Variants in ACVR1C observed in about 807,000 individuals in gnomAD.
ACVR1C encodes activin receptor type-1C.
ACVR1C carries 23 observed loss-of-function variants against 57.9 expected under a neutral mutation model. The ratio of observed to expected loss-of-function variants is 0.40; its 90% CI spans 0.29 to 0.56. The LOEUF (loss-of-function observed/expected upper bound fraction) is 0.56. Among genes scored for constraint, ACVR1C ranks in the 20% least tolerant of loss-of-function variants. ACVR1C has a pLI of 0.50. For synonymous variants in ACVR1C, 214 were observed against 215.3 expected (o/e 0.99, Z 0.05); for missense variants, 480 against 607.9 (o/e 0.79, Z 2.21).
chr2:157,620,543 A>G (rs1016734571), intron 1 of ACVR1C, among the ~76,000 whole-genome samples: 2 of 152,226 alleles, frequency 1.3e-5, no homozygotes, highest in African/African-American at 4.8e-5. Flanking sequence ...AATCCGGATT[A>G]CCAGTTTCTG....
chr2:157,538,632 T>C lies in ACVR1C; in HGVS notation c.1297A>G (p.Lys433Glu). The part of the protein sequence containing the change: ...PSDPSIEEMR[K>E]VVCDQKFRPS... ...CGAAACTTCTGGTCACAAACAACCT[T>C]TCTCATTTCCTCTATCGAGGGATCT... is the stretch of plus-strand genomic sequence containing the variant. The change falls in exon 8 of 9, where the codon AAG becomes GAG. Residue 433 changes from lysine (K) to glutamate (E), a missense_variant. Lys to Glu is a moderately conservative substitution (Grantham distance 56). Transcript: ENST00000243349. 1 of 1,587,524 alleles carries C rather than the reference T, an allele frequency of 6.3e-7. No homozygotes were observed. The highest frequency in any genetic ancestry group is 8.6e-7 in the Non-Finnish European group (1 of 1,167,270).
At chr2:157,618,909 G>GA (rs1189522183) in intron 1 of ACVR1C, among the ~76,000 whole-genome samples, 6 of 150,722 alleles carry the variant, frequency 4.0e-5, no homozygotes, top group Admixed American at 6.6e-5. Context: ...GCAACAATTA[G>GA]AAAAAAACAA....
At chr2:157,599,969 T>C (rs1346242856) in intron 1 of ACVR1C, among the ~76,000 whole-genome samples, 3 of 152,188 alleles carry the variant, frequency 2.0e-5, no homozygotes, top group Non-Finnish European at 4.4e-5. Flanking sequence ...CTGATCTGTT[T>C]AAGAAAGAAT....
intron 4 of ACVR1C, among the ~76,000 whole-genome samples, chr2:157,544,997 T>C (rs1399949064): frequency 1.3e-5 from 2 of 152,194 alleles, no homozygotes; most frequent in East Asian, 1.9e-4. Flanking sequence ...AGAAAAATTA[T>C]ACCAATAAAG....
rs1353053613 is a variant in ACVR1C at position 157,587,175 on chromosome 2, T to C, written c.304+12A>G. ...AAATTAAATTCGGAATGAACAAAGA[T>C]AAACCCCTTACCTGTTGGAAGGTGC... On this transcript the variant is annotated intron_variant, in intron 2 of 8. Coordinates refer to ENST00000243349, the MANE Select transcript of ACVR1C (RefSeq NM_145259.3). The C allele has an allele frequency of 1.9e-6, 3 of 1,593,222 alleles. No individual in the cohort carries two copies. Among genetic ancestry groups the C allele is most frequent in the Non-Finnish European group, 2.6e-6 (3 of 1,161,324 alleles).
At chr2:157,540,991 T>C in intron 7 of ACVR1C, 99 bp downstream of exon 7, 1 of 1,374,696 alleles carries the variant, frequency 7.3e-7, no homozygotes, top group South Asian at 1.5e-5. Context: ...ACTAAGAAAC[T>C]GATTGAATAT....
intron 1 of ACVR1C, among the ~76,000 whole-genome samples, chr2:157,600,990 T>C (rs748869758): frequency 3.3e-5 from 5 of 152,178 alleles, no homozygotes; most frequent in Admixed American, 6.5e-5. Flanking sequence ...AATATAGTTC[T>C]TAGACTTCTA....
intron 1 of ACVR1C, among the ~76,000 whole-genome samples, chr2:157,588,882 T>TATATAC (rs1165852661): frequency 5.2e-5 from 7 of 135,132 alleles, no homozygotes; most frequent in African/African-American, 1.4e-4. Flanking sequence ...TATATATACG[T>TATATAC]GTGTGTGTAT....
intron 1 of ACVR1C, among the ~76,000 whole-genome samples, chr2:157,594,339 T>C (rs1682031333): frequency 6.6e-6 from 1 of 151,998 alleles, no homozygotes; most frequent in African/African-American, 2.4e-5. Flanking sequence ...TCCAGGTCTA[T>C]AGTCCTCTGC....
chr2:157,548,673 T>C (rs917251147), intron 4 of ACVR1C, among the ~76,000 whole-genome samples: 2 of 151,956 alleles, frequency 1.3e-5, no homozygotes, highest in Non-Finnish European at 2.9e-5. Flanking sequence ...AAACAAGCAA[T>C]GGGGAAAGGA....
intron 1 of ACVR1C, among the ~76,000 whole-genome samples, chr2:157,618,438 A>G (rs185899657): frequency 4.6e-5 from 7 of 151,874 alleles, no homozygotes; most frequent in African/African-American, 1.7e-4. Context: ...ATTACATACA[A>G]CCGTATTGGT....
chr2:157,579,068 T>C (rs1688725658), intron 2 of ACVR1C, among the ~76,000 whole-genome samples: 3 of 152,246 alleles, frequency 2.0e-5, no homozygotes, highest in Non-Finnish European at 4.4e-5. Flanking sequence ...GTCTTTGGTG[T>C]TCTGTAGTTT....
intron 2 of ACVR1C, among the ~76,000 whole-genome samples, chr2:157,584,186 C>T (rs1463951916): frequency 2.0e-5 from 3 of 148,988 alleles, no homozygotes; most frequent in Admixed American, 1.3e-4. Context: ...AAAAAAAAAA[C>T]CCGCCTCCTG....
At chr2:157,539,402 A>G (rs1687566386) in intron 7 of ACVR1C, among the ~76,000 whole-genome samples, 1 of 152,148 alleles carries the variant, frequency 6.6e-6, no homozygotes, top group South Asian at 2.1e-4. Context: ...ATTCCAAGAA[A>G]TCCCTTATAA....
At chr2:157,552,015 TC>T (rs1195120035) in intron 3 of ACVR1C, among the ~76,000 whole-genome samples, 4 of 152,312 alleles carry the variant, frequency 2.6e-5, no homozygotes, top group African/African-American at 9.6e-5. Context: ...TCAAAGTCTT[TC>T]CCAGGATTAT....
At chr2:157,567,200 C>A (rs1183854327) in intron 2 of ACVR1C, among the ~76,000 whole-genome samples, 1 of 90,674 alleles carries the variant, frequency 1.1e-5, no homozygotes. Flanking sequence ...GACATCTACA[C>A]CGAAAACCCA....
At chr2:157,593,082 G>GCAAGACATCTGTTACCCA (rs969382380) in intron 1 of ACVR1C, among the ~76,000 whole-genome samples, 1 of 151,934 alleles carries the variant, frequency 6.6e-6, no homozygotes, top group Non-Finnish European at 1.5e-5. Flanking sequence ...TCTCTAAAAG[G>GCAAGACATCTGTTACCCA]CAAGACATCT....
rs892498825 is a variant in ACVR1C at position 157,531,556 on chromosome 2, A to G, written c.*2362T>C. On this transcript the variant is annotated 3_prime_UTR_variant, in exon 9 of 9. Coordinates refer to ENST00000243349, the MANE Select transcript of ACVR1C (RefSeq NM_145259.3). Reference sequence around the variant, plus strand: ...AATTCAATAAGCATATTTACCCAACATAAGTAAATAAAACAGGAAATATCA... The same window carrying G: ...AATTCAATAAGCATATTTACCCAACGTAAGTAAATAAAACAGGAAATATCA... 1.6e-4 allele frequency: 24 copies of G among 152,084 alleles called. No homozygotes were observed. The highest frequency in any genetic ancestry group is 4.8e-4 in the African/African-American group (20 of 41,432). The allele number at this position is 152,084 out of a possible 1,614,324, so 9.4% of individuals were successfully genotyped here. A position where few individuals can be genotyped will look rare whatever the true frequency, so the allele number is the denominator to read the frequency against.
intron 2 of ACVR1C, among the ~76,000 whole-genome samples, chr2:157,572,780 C>G (rs1340176998): frequency 2.0e-5 from 3 of 152,134 alleles, no homozygotes; most frequent in African/African-American, 7.2e-5. Context: ...TTTCAGAGCA[C>G]TTTCCAAACA....
Sources: allele counts gnomAD v4.1 joint callset (sites outside exome capture counted in the v4.1 genomes callset), GRCh38; gene constraint gnomAD v4.1.1; transcripts MANE v1.5; gene names NCBI Gene and HGNC (gene_info 2026-07-23, HGNC 2026-07-21).